The following CAP1 variants were observed in gnomAD, a reference collection of about 807,000 sequenced individuals.
The protein encoded by CAP1 is adenylyl cyclase-associated protein 1.
In CAP1, 11 loss-of-function variants were observed where a neutral mutation model predicts 58.2. The observed-to-expected ratio is 0.19, with a 90% confidence interval of 0.12 to 0.31. The LOEUF is 0.31. Among genes scored for constraint, CAP1 ranks in the 10% least tolerant of loss-of-function variants. CAP1 has a pLI of 1.00. For missense variants in CAP1, 423 were observed against 587.5 expected, an observed-to-expected ratio of 0.72 and a Z score of 2.89; for synonymous variants, 183 against 213.8, an observed-to-expected ratio of 0.86 and a Z score of 1.26.
intron 4 of CAP1, among the ~76,000 whole-genome samples, 165 bp from the exon 5 acceptor site, chr1:40,064,060 AGT>A (rs1646969554): frequency 6.6e-6 from 1 of 152,166 alleles, no homozygotes. Flanking sequence ...CTACGAGGAG[AGT>A]GAGATGATGA....
intron 1 of CAP1, among the ~76,000 whole-genome samples, chr1:40,044,012 G>A (rs1645966175): frequency 6.6e-6 from 1 of 152,186 alleles, no homozygotes. Context: ...ACAGCCTGAT[G>A]TGCAAACCAA....
intron 1 of CAP1, among the ~76,000 whole-genome samples, chr1:40,042,184 A>T (rs1357709037): frequency 6.6e-6 from 1 of 152,132 alleles, no homozygotes; most frequent in Non-Finnish European, 1.5e-5. Context: ...GCCCCACCAG[A>T]CGTTTATTAA....
intron 1 of CAP1, among the ~76,000 whole-genome samples, chr1:40,046,139 G>A (rs1184486619): frequency 6.6e-6 from 1 of 152,164 alleles, no homozygotes; most frequent in Non-Finnish European, 1.5e-5. Flanking sequence ...GGTTTTAGTG[G>A]ACAGGGACTA....
At chr1:40,055,685 T>C (rs1483947997) in intron 1 of CAP1, among the ~76,000 whole-genome samples, 3 of 152,116 alleles carry the variant, frequency 2.0e-5, no homozygotes, top group Non-Finnish European at 4.4e-5. Context: ...TTTTAAATTA[T>C]TTTTGTAGAG....
In CAP1 at chr1:40,071,717, C is replaced by T; in HGVS notation, c.*184C>T. ...TGAAATTTGGGGTGGGATAGCAGGT[C>T]AGTTGATCTTCTGCAGGAAGGTGCA... On this transcript the variant is annotated 3_prime_UTR_variant, in exon 13 of 13. Coordinates refer to ENST00000372805, the MANE Select transcript of CAP1 (RefSeq NM_006367.4). The T allele has an allele frequency of 3.5e-6, 2 of 575,894 alleles. No individual in the cohort carries two copies. The highest frequency in any genetic ancestry group is 2.8e-5 in the East Asian group (1 of 35,222). The allele number at this position is 575,894 out of a possible 1,614,324, so 35.7% of individuals were successfully genotyped here. A position where few individuals can be genotyped will look rare whatever the true frequency, so the allele number is the denominator to read the frequency against.
At chr1:40,052,226 T>G (rs928634915) in intron 1 of CAP1, among the ~76,000 whole-genome samples, 1 of 152,238 alleles carries the variant, frequency 6.6e-6, no homozygotes, top group African/African-American at 2.4e-5. Flanking sequence ...ATTACTCGTA[T>G]CTATGAAATC....
intron 1 of CAP1, among the ~76,000 whole-genome samples, chr1:40,056,300 AT>A (rs58942588): frequency 1.0e-4 from 15 of 146,848 alleles, no homozygotes; most frequent in East Asian, 2.0e-4. Flanking sequence ...TGAAAGCTGG[AT>A]TTTTTTTTTT....
At chr1:40,051,645 G>A (rs998728091) in intron 1 of CAP1, among the ~76,000 whole-genome samples, 7 of 152,170 alleles carry the variant, frequency 4.6e-5, no homozygotes, top group Admixed American at 4.6e-4. Context: ...GCGCGATCTT[G>A]GCTCACCGCA....
intron 1 of CAP1, among the ~76,000 whole-genome samples, chr1:40,052,351 A>G (rs933096501): frequency 1.3e-5 from 2 of 152,144 alleles, no homozygotes; most frequent in African/African-American, 4.8e-5. Context: ...TCAGTCTTCT[A>G]ATTTTATTTG....
chr1:40,058,289 T>C (rs1646698442), intron 1 of CAP1, among the ~76,000 whole-genome samples: 1 of 152,226 alleles, frequency 6.6e-6, no homozygotes, highest in Non-Finnish European at 1.5e-5. Flanking sequence ...TATCCTTATC[T>C]GATCCTTCCA....
At chr1:40,067,504 A>G (rs1438422879) in intron 7 of CAP1, 36 bp from the exon 8 acceptor site, 11 of 1,566,960 alleles carry the variant, frequency 7.0e-6, no homozygotes, top group African/African-American at 1.4e-5. Context: ...AGGGGAGCAG[A>G]GAGGATGATG....
At chr1:40,061,679 A>G (rs1646856898) in intron 3 of CAP1, 56 bp from the exon 4 acceptor site, 2 of 1,437,724 alleles carry the variant, frequency 1.4e-6, no homozygotes, top group East Asian at 2.3e-5. Context: ...GGTTATTCTT[A>G]TCAAGACTTC....
intron 1 of CAP1, among the ~76,000 whole-genome samples, chr1:40,059,040 G>A (rs1051323169): frequency 5.0e-5 from 6 of 120,040 alleles, no homozygotes; most frequent in African/African-American, 1.7e-4. Context: ...TCTACACACA[G>A]TATCATAGTA....
chr1:40,054,225 CTG>C (rs1385466329), intron 1 of CAP1, among the ~76,000 whole-genome samples: 1 of 139,106 alleles, frequency 7.2e-6, no homozygotes, highest in Non-Finnish European at 1.5e-5. Flanking sequence ...TAATCTCACT[CTG>C]TTGTCCAAGC....
At chr1:40,048,662 T>G (rs1170147634) in intron 1 of CAP1, among the ~76,000 whole-genome samples, 3 of 152,198 alleles carry the variant, frequency 2.0e-5, no homozygotes, top group East Asian at 1.9e-4. Context: ...ACAAATATTG[T>G]AAATTTTGCG....
Position 40,064,586 on chromosome 1 carries a change from T to C in CAP1, c.524+27T>C, listed in dbSNP as rs374135397. ...TAAGTTCAGCCTTTTCTCTCTTTTT[T>C]TCTTTTCTGAGACAGTGTCTTGCGT... On this transcript the variant is annotated intron_variant, in intron 6 of 12. Transcript: ENST00000372805. The C allele has an allele frequency of 1.5e-5, 23 of 1,566,376 alleles. No individual in the cohort carries two copies. The African/African-American group carries it at 2.4e-4, about 17-fold the overall frequency.
intron 8 of CAP1, among the ~76,000 whole-genome samples, chr1:40,068,569 C>T (rs1220810808): frequency 4.6e-5 from 7 of 151,918 alleles, no homozygotes; most frequent in African/African-American, 1.5e-4. Context: ...TGAGCCACCA[C>T]GCCCGGCCTC....
intron 1 of CAP1, among the ~76,000 whole-genome samples, chr1:40,053,819 G>A (rs531671918): frequency 1.4e-3 from 211 of 152,234 alleles, no homozygotes; most frequent in Middle Eastern, 6.8e-3. Flanking sequence ...CAATGTCTGC[G>A]TAACATACCT....
At position 40,063,246 on chromosome 1, in the gene CAP1, C is replaced by T. The variant is rs187655422; in HGVS notation, c.295-981C>T. 4.0e-3 allele frequency among the ~76,000 whole-genome samples: 609 copies of T among 151,986 alleles called. 10 individuals carry two copies. In the South Asian group the frequency reaches 0.045, roughly 11 times the overall value. On this transcript the variant is annotated intron_variant, in intron 4 of 12. Coordinates refer to ENST00000372805, the MANE Select transcript of CAP1 (RefSeq NM_006367.4). ...AGGCTGGAGTGCAGTGGCAGGATCT[C>T]GGCTCACTGAAACCTCCACCTCCCA...
Sources: gnomAD v4.1 joint callset for allele counts (sites outside exome capture counted in the v4.1 genomes callset) on GRCh38, gnomAD v4.1.1 for gene constraint, MANE v1.5 for transcripts, NCBI Gene and HGNC (gene_info 2026-07-23, HGNC 2026-07-21) for gene names.